FAM114A1: variants seen among roughly 807,000 people sequenced by gnomAD.
The protein encoded by FAM114A1 is protein NOXP20.
In FAM114A1, 62 loss-of-function variants were observed where a neutral mutation model predicts 64.3. That is an observed-to-expected ratio of 0.96 (90% CI 0.79 to 1.19). FAM114A1 has a LOEUF of 1.19. FAM114A1 is among the 50% of genes most tolerant of loss of function. The probability of loss-of-function intolerance (pLI) is 0.00; values close to 1 mark genes in which losing one functional copy is unlikely to be tolerated. For synonymous variants in FAM114A1, 254 were observed against 251.1 expected, an observed-to-expected ratio of 1.01 and a Z score of -0.11; for missense variants, 645 against 676.3, an observed-to-expected ratio of 0.95 and a Z score of 0.51.
intron 4 of FAM114A1, among the ~76,000 whole-genome samples, chr4:38,896,613 C>G (rs923780167): frequency 6.0e-5 from 7 of 117,618 alleles, no homozygotes; most frequent in African/African-American, 2.1e-4. Context: ...GATCTGTGAA[C>G]AGAGAATTTA....
chr4:38,913,041 A>G (rs1718707271), intron 7 of FAM114A1, among the ~76,000 whole-genome samples: 1 of 152,232 alleles, frequency 6.6e-6, no homozygotes, highest in Non-Finnish European at 1.5e-5. Context: ...AGAACCCAGA[A>G]GGAAATAAGG....
intron 3 of FAM114A1, among the ~76,000 whole-genome samples, chr4:38,884,217 A>G (rs915883597): frequency 6.6e-6 from 1 of 152,204 alleles, no homozygotes; most frequent in Non-Finnish European, 1.5e-5. Context: ...TGAAACTCCT[A>G]GACTCAAGCT....
At chr4:38,875,898 T>A (rs1361258204) in intron 2 of FAM114A1, among the ~76,000 whole-genome samples, 2 of 152,218 alleles carry the variant, frequency 1.3e-5, no homozygotes, top group Non-Finnish European at 2.9e-5. Flanking sequence ...ATAGTGCTGT[T>A]CTACATGATA....
intron 13 of FAM114A1, among the ~76,000 whole-genome samples, chr4:38,939,356 T>A (rs1339750368): frequency 6.6e-6 from 1 of 152,224 alleles, no homozygotes; most frequent in Non-Finnish European, 1.5e-5. Flanking sequence ...AGTGTTTCTG[T>A]TCTCTAAAGC....
At chr4:38,915,703 A>G (rs1056227153) in intron 8 of FAM114A1, among the ~76,000 whole-genome samples, 2 of 148,000 alleles carry the variant, frequency 1.4e-5, no homozygotes, top group African/African-American at 5.3e-5. Flanking sequence ...AGCAAAAGTC[A>G]GCAGGGTTTG....
intron 2 of FAM114A1, among the ~76,000 whole-genome samples, 155 bp downstream of exon 2, chr4:38,868,701 G>A (rs968055832): frequency 4.6e-5 from 7 of 152,306 alleles, no homozygotes; most frequent in African/African-American, 1.4e-4. Context: ...CAGGCAGGTG[G>A]CTTCTTAAAT....
At chr4:38,905,400 T>TTAA in intron 4 of FAM114A1, 122 bp from the exon 5 acceptor site, 2 of 600,026 alleles carry the variant, frequency 3.3e-6, no homozygotes, top group Non-Finnish European at 5.6e-6. Context: ...CTCCATCTTT[T>TTAA]AAAAAAAAAA....
intron 4 of FAM114A1, among the ~76,000 whole-genome samples, chr4:38,893,603 G>A (rs1036718920): frequency 5.3e-5 from 8 of 152,168 alleles, no homozygotes; most frequent in Admixed American, 3.3e-4. Flanking sequence ...TCTAGCCCTG[G>A]TTGGTCAGAC....
intron 12 of FAM114A1, among the ~76,000 whole-genome samples, chr4:38,934,662 C>G (rs569773766): frequency 1.4e-4 from 21 of 152,222 alleles, no homozygotes; most frequent in Admixed American, 2.6e-4. Context: ...TTGTCATCAT[C>G]CATAGTGTTA....
intron 12 of FAM114A1, among the ~76,000 whole-genome samples, chr4:38,934,189 T>C (rs1720890909): frequency 6.6e-6 from 1 of 152,196 alleles, no homozygotes; most frequent in Non-Finnish European, 1.5e-5. Flanking sequence ...AGGGCCAAAG[T>C]TCAGAAGCCC....
chr4:38,916,914 T>C (rs2109729488), intron 8 of FAM114A1, among the ~76,000 whole-genome samples: 1 of 152,260 alleles, frequency 6.6e-6, no homozygotes, highest in African/African-American at 2.4e-5. Flanking sequence ...TTGACAACAA[T>C]GGCTTTGCAT....
chr4:38,912,588 T>G (rs577905247), intron 7 of FAM114A1, among the ~76,000 whole-genome samples: 2 of 152,274 alleles, frequency 1.3e-5, no homozygotes, highest in African/African-American at 4.8e-5. Flanking sequence ...TTCATCATAT[T>G]GGCCAGGCTG....
intron 4 of FAM114A1, among the ~76,000 whole-genome samples, chr4:38,895,022 G>A (rs1243452599): frequency 6.6e-6 from 1 of 152,136 alleles, no homozygotes; most frequent in Non-Finnish European, 1.5e-5. Flanking sequence ...CATAATGGAA[G>A]TTGTTCCTCG....
rs918358210 is a variant in FAM114A1, at chr4:38,891,792, G to A, written c.398G>A (p.Trp133Ter). 3 of 1,612,554 alleles carry A rather than the reference G, an allele frequency of 1.9e-6. No individual in the cohort carries two copies. Among genetic ancestry groups the A allele is most frequent in the Non-Finnish European group, 2.5e-6 (3 of 1,179,332 alleles). ...GGAGGATGGGCAGGCTGGGGATCCT[G>A]GGGCAAATCTCTGCTGTCGTCAGCA... ...SGGGWAGWGSWGKSLLSSASA... is the reference protein window; with the variant it reads ...SGGGWAGWGS The change falls in exon 4 of 15, where the codon TGG (tryptophan) becomes TAG (stop). Residue 133 changes from tryptophan (W) to a stop codon, truncating the protein, a stop_gained. Coordinates refer to ENST00000358869, the MANE Select transcript of FAM114A1 (RefSeq NM_138389.4). LOFTEE classifies it high-confidence loss of function.
chr4:38,899,205 A>G (rs993776580), intron 4 of FAM114A1, among the ~76,000 whole-genome samples: 4 of 152,182 alleles, frequency 2.6e-5, no homozygotes, highest in Admixed American at 2.0e-4. Context: ...CAAGAGAGCA[A>G]AGGATTGGGA....
At chr4:38,892,049 G>A (rs1326176629) in intron 4 of FAM114A1, among the ~76,000 whole-genome samples, 1 of 152,208 alleles carries the variant, frequency 6.6e-6, no homozygotes, top group Non-Finnish European at 1.5e-5. Context: ...TTACAGGTAA[G>A]GAAGCTAATC....
intron 3 of FAM114A1, among the ~76,000 whole-genome samples, chr4:38,885,884 A>T (rs1019997021): frequency 6.6e-6 from 1 of 152,240 alleles, no homozygotes; most frequent in African/African-American, 2.4e-5. Flanking sequence ...ATGTAGAAGC[A>T]TTCTAATGTA....
chr4:38,928,000 A>T (rs1720299971), intron 9 of FAM114A1, among the ~76,000 whole-genome samples: 1 of 152,212 alleles, frequency 6.6e-6, no homozygotes, highest in Admixed American at 6.5e-5. Context: ...TGTTTTGATT[A>T]TTGATCTGTT....
At chr4:38,905,944 A>G in intron 6 of FAM114A1, 83 bp downstream of exon 6, 1 of 1,203,660 alleles carries the variant, frequency 8.3e-7, no homozygotes, top group Non-Finnish European at 1.1e-6. Context: ...TGACCTAGAT[A>G]CATCAGAGAA....
Sources: allele counts gnomAD v4.1 joint callset (sites outside exome capture counted in the v4.1 genomes callset), GRCh38; gene constraint gnomAD v4.1.1; transcripts MANE v1.5; gene names NCBI Gene and HGNC (gene_info 2026-07-23, HGNC 2026-07-21).